IQCM: variants seen among roughly 807,000 people sequenced by gnomAD.
IQCM encodes the protein IQ domain-containing protein M.
In IQCM, 45 loss-of-function variants were observed where a neutral mutation model predicts 57.6. The observed-to-expected ratio is 0.78, with a 90% confidence interval of 0.62 to 1.00. The LOEUF is 1.00. Among genes scored for constraint, IQCM ranks in the 50% least tolerant of loss-of-function variants. The pLI is 0.00. For missense variants in IQCM, 468 were observed against 511.6 expected, an observed-to-expected ratio of 0.91 and a Z score of 0.82; for synonymous variants, 148 against 158.9, an observed-to-expected ratio of 0.93 and a Z score of 0.51.
At chr4:149,696,993 G>A (rs1486532374) in intron 5 of IQCM, among the ~76,000 whole-genome samples, 1 of 152,112 alleles carries the variant, frequency 6.6e-6, no homozygotes, top group Non-Finnish European at 1.5e-5. Flanking sequence ...CTCTTTCCTA[G>A]ATTGAAAAAT....
chr4:149,407,562 A>ATT (rs34237693), intron 13 of IQCM, among the ~76,000 whole-genome samples: 14 of 151,322 alleles, frequency 9.3e-5, no homozygotes, highest in African/African-American at 3.4e-4. Flanking sequence ...GTGGAAACGG[A>ATT]TTTTTTTTTA....
chr4:149,704,438 C>A (rs1319496684), intron 5 of IQCM, among the ~76,000 whole-genome samples: 3 of 151,816 alleles, frequency 2.0e-5, no homozygotes, highest in Non-Finnish European at 4.4e-5. Flanking sequence ...TGCTTCTGGC[C>A]ACTTCCTTGC....
intron 8 of IQCM, among the ~76,000 whole-genome samples, chr4:149,619,103 GATGGATAT>G (rs1433016848): frequency 1.9e-5 from 2 of 104,384 alleles, no homozygotes; most frequent in Admixed American, 9.7e-5. Flanking sequence ...AAAAATGTGG[GATGGATAT>G]ATATATATAT....
intron 12 of IQCM, among the ~76,000 whole-genome samples, chr4:149,491,467 G>C (rs757609880): frequency 9.2e-5 from 14 of 151,988 alleles, no homozygotes; most frequent in Non-Finnish European, 1.5e-4. Context: ...CTACTTCTAT[G>C]AGTACAACCT....
At chr4:149,640,795 T>C (rs187381034) in intron 7 of IQCM, among the ~76,000 whole-genome samples, 71 of 152,310 alleles carry the variant, frequency 4.7e-4, no homozygotes, top group African/African-American at 1.7e-3. Context: ...AAAAGTTTTT[T>C]AACAACCGGA....
intron 12 of IQCM, among the ~76,000 whole-genome samples, chr4:149,461,958 G>C (rs1286855573): frequency 6.6e-6 from 1 of 151,996 alleles, no homozygotes; most frequent in Non-Finnish European, 1.5e-5. Flanking sequence ...AACAGTACTG[G>C]TCTGTGGCCT....
chr4:149,703,475 G>T (rs1763919777), intron 5 of IQCM, among the ~76,000 whole-genome samples: 1 of 151,824 alleles, frequency 6.6e-6, no homozygotes. Flanking sequence ...CAAAAAAAAT[G>T]GTTGGGAAGT....
Position 149,582,741 on chromosome 4 carries a change from A to C in IQCM, c.749+5189T>G, listed in dbSNP as rs529667918. Among the ~76,000 whole-genome samples the C allele has an allele frequency of 4.9e-4, 74 of 151,776 alleles. 1 individual carries two copies. The South Asian group carries it at 0.015, about 31-fold the overall frequency. On this transcript the variant is annotated intron_variant, in intron 9 of 13. Transcript: ENST00000636793. ...GTTATTCACCATACATTTATTTTCA[A>C]ATAATGTTTAGGATAGGCACTGACC...
intron 2 of IQCM, among the ~76,000 whole-genome samples, chr4:149,773,361 A>T (rs867220141): frequency 6.6e-6 from 1 of 152,048 alleles, no homozygotes; most frequent in Non-Finnish European, 1.5e-5. Context: ...CAAAAAAAAA[A>T]AAAGAAAGAA....
intron 12 of IQCM, among the ~76,000 whole-genome samples, chr4:149,493,698 T>C (rs1355030942): frequency 6.6e-6 from 1 of 152,060 alleles, no homozygotes; most frequent in Non-Finnish European, 1.5e-5. Context: ...TCTGAGAATG[T>C]GTGCATAATA....
intron 12 of IQCM, among the ~76,000 whole-genome samples, chr4:149,522,544 A>C (rs1745760976): frequency 6.6e-6 from 1 of 152,256 alleles, no homozygotes; most frequent in Non-Finnish European, 1.5e-5. Flanking sequence ...CATTGTAAAA[A>C]GAGGATAATC....
rs527612483 is a variant in IQCM, at chr4:149,535,817, G to C, written c.1228+12638C>G. Among the ~76,000 whole-genome samples the C allele has an allele frequency of 2.6e-5, 4 of 152,180 alleles. No homozygotes were observed. In the East Asian group the frequency reaches 5.8e-4, roughly 22 times the overall value. On this transcript the variant is annotated intron_variant, in intron 12 of 13. Coordinates refer to ENST00000636793, the MANE Select transcript of IQCM (RefSeq NM_001363507.2). ...AATTGGAGTAACAACTCACATGACTGTAGGGTAAGACAGGAAAGTGGAGGG... is the reference window on the plus strand; with the variant it reads ...AATTGGAGTAACAACTCACATGACTCTAGGGTAAGACAGGAAAGTGGAGGG...
At chr4:149,361,586 A>G (rs1339821973) in intron 13 of IQCM, among the ~76,000 whole-genome samples, 1 of 152,228 alleles carries the variant, frequency 6.6e-6, no homozygotes, top group Non-Finnish European at 1.5e-5. Context: ...CTGTGGCTTC[A>G]GAGGTTGCAA....
chr4:149,679,098 C>T (rs1761985969), intron 7 of IQCM, among the ~76,000 whole-genome samples: 2 of 151,660 alleles, frequency 1.3e-5, no homozygotes, highest in Admixed American at 6.6e-5. Context: ...TATTGTAGCA[C>T]TATTCACAAC....
intron 7 of IQCM, among the ~76,000 whole-genome samples, chr4:149,659,396 C>A (rs1026564964): frequency 8.0e-4 from 121 of 152,138 alleles, no homozygotes; most frequent in African/African-American, 2.7e-3. Flanking sequence ...ATGAAAATGG[C>A]CATACTGCCC....
chr4:149,368,832 GTA>G lies in IQCM; in HGVS notation c.1391-16768_1391-16767del, dbSNP rs1209045169. ...TGTATATATATACATATATATACATGTATATATATACATATATATACATGTAT... is the reference window on the plus strand; with the variant it reads ...TGTATATATATACATATATATACATGTATATATACATATATATACATGTAT... On this transcript the variant is annotated intron_variant, in intron 13 of 13. Coordinates refer to ENST00000636793, the MANE Select transcript of IQCM (RefSeq NM_001363507.2). Among the ~76,000 whole-genome samples the G allele has an allele frequency of 1.8e-4, 9 of 50,306 alleles. 2 individuals carry two copies. The highest frequency in any genetic ancestry group is 4.5e-4 in the African/African-American group (6 of 13,284). 33.0% of individuals were successfully genotyped at this position (50,306 alleles called of 152,430 possible). A position where few individuals can be genotyped will look rare whatever the true frequency, so the allele number is the denominator to read the frequency against.
At chr4:149,592,858 AG>A (rs1261279455) in intron 8 of IQCM, among the ~76,000 whole-genome samples, 1 of 152,156 alleles carries the variant, frequency 6.6e-6, no homozygotes, top group Non-Finnish European at 1.5e-5. Context: ...TGGTTACTGT[AG>A]CCTTGTAGTA....
chr4:149,633,780 C>A (rs1324660395), intron 7 of IQCM, among the ~76,000 whole-genome samples: 6 of 152,146 alleles, frequency 3.9e-5, no homozygotes, highest in Admixed American at 1.3e-4. Flanking sequence ...CACACAGTTG[C>A]CTATGCCACA....
intron 7 of IQCM, among the ~76,000 whole-genome samples, chr4:149,649,998 T>C (rs547254962): frequency 6.6e-6 from 1 of 152,172 alleles, no homozygotes; most frequent in Non-Finnish European, 1.5e-5. Context: ...AAATAAACTA[T>C]GAATGAGTTA....
Sources: allele counts gnomAD v4.1 joint callset (sites outside exome capture counted in the v4.1 genomes callset), GRCh38; gene constraint gnomAD v4.1.1; transcripts MANE v1.5; gene names NCBI Gene and HGNC (gene_info 2026-07-23, HGNC 2026-07-21).